Variants in ZNF831 observed in about 807,000 individuals in gnomAD.
ZNF831 encodes zinc finger protein 831, also known as chromosome 20 open reading frame 174.
ZNF831 carries 59 observed loss-of-function variants against 95.8 expected under a neutral mutation model. That is an observed-to-expected ratio of 0.62 (90% CI 0.50 to 0.77). The LOEUF is 0.77. Ranked by LOEUF, ZNF831 falls within the 30% of genes least tolerant of loss-of-function variation. ZNF831 has a pLI of 0.00. For synonymous variants in ZNF831, 961 were observed against 925.5 expected (o/e 1.04, Z -0.70); for missense variants, 2,205 against 2,164.0 (o/e 1.02, Z -0.38).
intron 4 of ZNF831, among the ~76,000 whole-genome samples, chr20:59,214,702 C>T (rs1218222606): frequency 6.6e-6 from 1 of 152,234 alleles, no homozygotes; most frequent in Non-Finnish European, 1.5e-5. Context: ...GAAAATTACA[C>T]ATCCATATGA....
At chr20:59,241,323 A>G (rs937864202) in intron 4 of ZNF831, among the ~76,000 whole-genome samples, 2 of 151,494 alleles carry the variant, frequency 1.3e-5, no homozygotes, top group African/African-American at 4.9e-5. Context: ...TTTTTTTTTA[A>G]TCAGAACCCA....
At chr20:59,176,636 C>A (rs767306668) in intron 1 of ZNF831, among the ~76,000 whole-genome samples, 3 of 152,268 alleles carry the variant, frequency 2.0e-5, no homozygotes. Context: ...CGCTTTAGTG[C>A]GTACATTATG....
rs369011002 is a variant in ZNF831 at position 59,254,185 on chromosome 20, C to A, written c.4476C>A (p.Ala1492=). 1 of 1,614,082 alleles carries A rather than the reference C, an allele frequency of 6.2e-7. No homozygotes were observed. The highest frequency in any genetic ancestry group is 8.5e-7 in the Non-Finnish European group (1 of 1,180,024). The stretch of plus-strand genomic sequence containing the variant: ...ATGACATTGCTACCTCTGTGGCTGC[C>A]GTTTGTATTTCTCTGCCAGTGAGAA... ...PHHDIATSVA[A]VCISLPVRTD... is the part of the protein sequence containing the mutation. Residue 1492 remains alanine (A), a synonymous_variant, in exon 6 of 6, where the codon GCC becomes GCA. Coordinates refer to ENST00000371030, the MANE Select transcript of ZNF831 (RefSeq NM_178457.3). The surrounding 1 kb of genome is among the most constrained non-coding windows in gnomAD (Gnocchi z 4.5).
At position 59,128,506 on chromosome 20, in the gene ZNF831, G is replaced by A. The variant is rs1470866257; in HGVS notation, c.-1425+5001G>A. 2.6e-5 allele frequency among the ~76,000 whole-genome samples: 4 copies of A among 152,324 alleles called. No homozygotes were observed. The East Asian group carries it at 7.7e-4, about 29-fold the overall frequency. ...AGACCTGGGGGACAGTGCCCAGATGGAGGATGGTCCAGGAGGCAGCATGGC... is the reference window on the plus strand; with the variant it reads ...AGACCTGGGGGACAGTGCCCAGATGAAGGATGGTCCAGGAGGCAGCATGGC... On this transcript the variant is annotated intron_variant, in intron 1 of 7. Transcript: ENST00000637017.
rs8117829 is a variant in ZNF831, at chr20:59,144,917, G to A, written c.-1424-1314G>A. ...AGACTGTCTGGAGGGCTCTTGGGCAGGGAGGGCCTGTGAATTTGTCCCACA... is the reference window on the plus strand; with the variant it reads ...AGACTGTCTGGAGGGCTCTTGGGCAAGGAGGGCCTGTGAATTTGTCCCACA... On this transcript the variant is annotated intron_variant, in intron 1 of 7. Transcript: ENST00000637017. Among the ~76,000 whole-genome samples, 1,181 of 152,274 alleles carry A rather than the reference G, an allele frequency of 7.8e-3. 14 individuals carry two copies. Among genetic ancestry groups the A allele is most frequent in the African/African-American group, 0.026 (1,100 of 41,542 alleles).
rs141273566 is a variant in ZNF831, at chr20:59,196,458, C to T, written c.3875+453C>T. Among the ~76,000 whole-genome samples the T allele has an allele frequency of 1.4e-4, 21 of 152,266 alleles. No homozygotes were observed. The South Asian group carries it at 2.1e-3, about 15-fold the overall frequency. On this transcript the variant is annotated intron_variant, in intron 3 of 5. Transcript: ENST00000371030. ...GTGTGCCCTTCTAGACTTTTCTTTG[C>T]GGTATGTGTTTGCACATATCCACCC...
intron 3 of ZNF831, among the ~76,000 whole-genome samples, chr20:59,197,646 C>G (rs1984220468): frequency 6.6e-6 from 1 of 152,180 alleles, no homozygotes; most frequent in Admixed American, 6.5e-5. Flanking sequence ...CCTCCTTTCT[C>G]ATGGATCACT....
At chr20:59,123,824 CG>C (rs1979079095) in intron 1 of ZNF831, among the ~76,000 whole-genome samples, 2 of 152,164 alleles carry the variant, frequency 1.3e-5, no homozygotes, top group Non-Finnish European at 2.9e-5. Flanking sequence ...TGTCTCTAAT[CG>C]GGGCATTTGA....
At chr20:59,134,619 A>G (rs1979447782) in intron 1 of ZNF831, among the ~76,000 whole-genome samples, 1 of 152,224 alleles carries the variant, frequency 6.6e-6, no homozygotes, top group Admixed American at 6.5e-5. Flanking sequence ...CCAAGCCAGA[A>G]GGCATGTGTT....
rs6015449 is a variant in ZNF831, at chr20:59,153,602, C to T, written c.-1280-6050C>T. Among the ~76,000 whole-genome samples, 87 of 152,304 alleles carry T rather than the reference C, an allele frequency of 5.7e-4. 1 individual carries two copies. The highest frequency in any genetic ancestry group is 2.0e-3 in the African/African-American group (82 of 41,576). On this transcript the variant is annotated intron_variant, in intron 2 of 7. Transcript: ENST00000637017. Reference sequence around the variant, plus strand: ...CATGTTCAATGGTTCCGGGGGCTCACCAGCACACCCTATGAAGGGCAAATG... The same window carrying T: ...CATGTTCAATGGTTCCGGGGGCTCATCAGCACACCCTATGAAGGGCAAATG...
intron 2 of ZNF831, among the ~76,000 whole-genome samples, chr20:59,152,854 G>T (rs1335941186): frequency 6.6e-6 from 1 of 152,148 alleles, no homozygotes; most frequent in African/African-American, 2.4e-5. Context: ...TGAGGAAGTG[G>T]GCAGAGGCTG....
intron 3 of ZNF831, among the ~76,000 whole-genome samples, chr20:59,198,878 G>T (rs1360566418): frequency 6.6e-6 from 1 of 152,042 alleles, no homozygotes; most frequent in Non-Finnish European, 1.5e-5. Context: ...TCCTCCTCTT[G>T]CTCCTCACAT....
At chr20:59,194,837 G>A (rs543802154) in intron 2 of ZNF831, 80 bp downstream of exon 2, 2 of 1,449,222 alleles carry the variant, frequency 1.4e-6, no homozygotes, top group East Asian at 5.0e-5. Context: ...AGGGAAGGAA[G>A]TCTGAAGCCG....
At chr20:59,196,524 T>C (rs867843336) in intron 3 of ZNF831, among the ~76,000 whole-genome samples, 2 of 152,194 alleles carry the variant, frequency 1.3e-5, no homozygotes, top group Non-Finnish European at 2.9e-5. Flanking sequence ...TGCCACTCTT[T>C]CATTGTGCCT....
chr20:59,211,158 C>G (rs1180289797), intron 4 of ZNF831, among the ~76,000 whole-genome samples: 1 of 151,768 alleles, frequency 6.6e-6, no homozygotes, highest in East Asian at 1.9e-4. Flanking sequence ...CTGCTGGGAA[C>G]ACAGCTCCAC....
intron 4 of ZNF831, among the ~76,000 whole-genome samples, chr20:59,222,504 T>G (rs76143806): frequency 2.3e-3 from 346 of 152,090 alleles, no homozygotes; most frequent in South Asian, 6.4e-3. Flanking sequence ...TTTTTTTTTT[T>G]TGTGTGACAA....
intron 4 of ZNF831, among the ~76,000 whole-genome samples, chr20:59,229,270 G>A (rs1986599236): frequency 6.6e-6 from 1 of 152,160 alleles, no homozygotes; most frequent in Non-Finnish European, 1.5e-5. Context: ...AGTAAACATG[G>A]GAGTGCAACT....
chr20:59,258,530 C>G lies in ZNF831; in HGVS notation c.*3787C>G, dbSNP rs1241018997. On this transcript the variant is annotated 3_prime_UTR_variant, in exon 6 of 6. Transcript: ENST00000371030. Reference sequence around the variant, plus strand: ...TCATCATTATCGGAATGTGCTGCTGCTCAACTCCCCAGACATAATTTAATA... The same window carrying G: ...TCATCATTATCGGAATGTGCTGCTGGTCAACTCCCCAGACATAATTTAATA... The G allele has an allele frequency of 1.3e-5, 2 of 152,578 alleles. No homozygotes were observed. Among genetic ancestry groups the G allele is most frequent in the Non-Finnish European group, 2.9e-5 (2 of 68,026 alleles). 9.5% of individuals were successfully genotyped at this position (152,578 alleles called of 1,614,324 possible).
chr20:59,194,477 C>T lies in ZNF831; in HGVS notation c.3458C>T (p.Ser1153Phe), dbSNP rs773814972. The change falls in exon 2 of 6, where the codon TCT becomes TTT. Residue 1153 changes from serine (S) to phenylalanine (F), a missense_variant. Physicochemically the swap from Ser to Phe is radical, Grantham distance 155. Transcript: ENST00000371030. Reference sequence around the variant, plus strand: ...CCAGGCTGGCCAGAGCTGGCCTTGTCTTCCCACTCAGGGACGTCCCGGAGC... The same window carrying T: ...CCAGGCTGGCCAGAGCTGGCCTTGTTTTCCCACTCAGGGACGTCCCGGAGC... Reference protein sequence around the residue: ...VPPGWPELALSSHSGTSRSHS... With the variant: ...VPPGWPELALFSHSGTSRSHS... The T allele has an allele frequency of 7.4e-6, 12 of 1,612,856 alleles. No homozygotes were observed. In the African/African-American group the frequency reaches 1.2e-4, roughly 16 times the overall value.
Sources: allele counts gnomAD v4.1 joint callset (sites outside exome capture counted in the v4.1 genomes callset), GRCh38; gene constraint gnomAD v4.1.1; non-coding constraint Gnocchi (gnomAD v3.1); transcripts MANE v1.5; gene names NCBI Gene and HGNC (gene_info 2026-07-23, HGNC 2026-07-21).